Variants in CES5A observed in about 807,000 individuals in gnomAD.
CES5A encodes carboxylesterase 5A, also known as carboxylesterase 5.
Under a neutral mutation model 62.9 loss-of-function variants are expected in CES5A, and 67 were observed. The observed-to-expected ratio is 1.07, with a 90% confidence interval of 0.88 to 1.31. The LOEUF (loss-of-function observed/expected upper bound fraction) is 1.31. Ranked by LOEUF, CES5A falls within the 50% of genes most tolerant of loss-of-function variation. CES5A has a pLI of 0.00. For missense variants in CES5A, 748 were observed against 708.5 expected, an observed-to-expected ratio of 1.06 and a Z score of -0.63; for synonymous variants, 296 against 280.8, an observed-to-expected ratio of 1.05 and a Z score of -0.54.
intron 1 of CES5A, among the ~76,000 whole-genome samples, chr16:55,897,834 G>A (rs1425722684): frequency 6.6e-6 from 1 of 152,176 alleles, no homozygotes; most frequent in Non-Finnish European, 1.5e-5. Context: ...ATAAAGAAAT[G>A]TAGTAGTAGG....
At chr16:55,894,957 G>A (rs1419326143) in intron 1 of CES5A, among the ~76,000 whole-genome samples, 1 of 152,202 alleles carries the variant, frequency 6.6e-6, no homozygotes, top group African/African-American at 2.4e-5. Flanking sequence ...TACTTTAAGG[G>A]ATAAGAGCTT....
Position 55,857,517 on chromosome 16 carries a change from C to A in CES5A, c.1057-1072G>T, listed in dbSNP as rs559818672. Among the ~76,000 whole-genome samples, 413 of 151,508 alleles carry A rather than the reference C, an allele frequency of 2.7e-3. 2 individuals carry two copies. Among genetic ancestry groups the A allele is most frequent in the African/African-American group, 9.1e-3 (376 of 41,142 alleles). ...TGAATACTAGGGCAGTACCTGCCTC[C>A]TGGAATCTCAGGGAATCCTCAGAGT... On this transcript the variant is annotated intron_variant, in intron 8 of 12. Transcript: ENST00000290567.
chr16:55,866,091 TC>T lies in CES5A; in HGVS notation c.576del (p.Asn193ThrfsTer28). 1 of 1,613,706 alleles carries T rather than the reference TC, an allele frequency of 6.2e-7. No individual in the cohort carries two copies. The highest frequency in any genetic ancestry group is 1.1e-5 in the South Asian group (1 of 91,030). ...GCCACCTGGTCCTTGAAGGCCCAGTTCCCCGGAGCATGCTGATCCCATGTGC... is the reference window on the plus strand; with the variant it reads ...GCCACCTGGTCCTTGAAGGCCCAGTTCCCGGAGCATGCTGATCCCATGTGC... Reference protein sequence around the residue: ...FFTTWDQHAPGNWAFKDQVAA... With the variant: ...FFTTWDQHAPXNWAFKDQVAA... On this transcript the variant is annotated frameshift_variant, in exon 5 of 13. Coordinates refer to ENST00000290567, the MANE Select transcript of CES5A (RefSeq NM_001143685.2). LOFTEE classifies it high-confidence loss of function.
At chr16:55,854,295 A>G (rs1484779518) in intron 9 of CES5A, among the ~76,000 whole-genome samples, 5 of 152,062 alleles carry the variant, frequency 3.3e-5, no homozygotes, top group African/African-American at 4.8e-5. Context: ...TTTCCCGCAC[A>G]GCCTACTTCC....
At chr16:55,900,581 C>A (rs968989116) in intron 1 of CES5A, among the ~76,000 whole-genome samples, 1 of 152,162 alleles carries the variant, frequency 6.6e-6, no homozygotes, top group African/African-American at 2.4e-5. Context: ...AATTGCAATG[C>A]CACAGCCACT....
intron 1 of CES5A, among the ~76,000 whole-genome samples, chr16:55,914,070 A>G (rs1424513533): frequency 1.3e-5 from 2 of 152,224 alleles, no homozygotes; most frequent in African/African-American, 4.8e-5. Context: ...AGGTCCAGTT[A>G]AATGTGAATT....
intron 1 of CES5A, among the ~76,000 whole-genome samples, chr16:55,898,911 C>G (rs1292163545): frequency 6.6e-6 from 1 of 152,072 alleles, no homozygotes; most frequent in South Asian, 2.1e-4. Flanking sequence ...CTCTCTCAAC[C>G]ACCTCATAAT....
At chr16:55,951,964 A>G (rs1481425751) in intron 1 of CES5A, among the ~76,000 whole-genome samples, 1 of 152,122 alleles carries the variant, frequency 6.6e-6, no homozygotes, top group East Asian at 1.9e-4. Flanking sequence ...GATCTAATAG[A>G]CATAGATGTT....
intron 1 of CES5A, among the ~76,000 whole-genome samples, chr16:55,894,161 A>C (rs2142435530): frequency 6.6e-6 from 1 of 152,288 alleles, no homozygotes; most frequent in Admixed American, 6.5e-5. Flanking sequence ...AAAAATAATA[A>C]AATATGCAGA....
chr16:55,938,752 AAAAAAAAAAAAAAATAT>A (rs1212172291), intron 2 of CES5A, among the ~76,000 whole-genome samples: 2 of 75,606 alleles, frequency 2.6e-5, no homozygotes, highest in African/African-American at 1.2e-4. Flanking sequence ...AAAAAAAAAA[AAAAAAAAAAAAAAATAT>A]ATATATATAT....
At chr16:55,890,844 A>G (rs1833183) in intron 1 of CES5A, among the ~76,000 whole-genome samples, 109,625 of 152,064 alleles carry the variant, frequency 0.72, 39,536 homozygotes, top group Non-Finnish European at 0.73. Context: ...GGACACCTGT[A>G]ACACAGCCTC....
At chr16:55,924,457 G>T (rs1567356513) in intron 1 of CES5A, among the ~76,000 whole-genome samples, 1 of 151,786 alleles carries the variant, frequency 6.6e-6, no homozygotes, top group Non-Finnish European at 1.5e-5. Context: ...CCATGCTCAT[G>T]GATTTAAAAA....
At chr16:55,948,843 G>A (rs1021906691) in intron 2 of CES5A, among the ~76,000 whole-genome samples, 4 of 152,156 alleles carry the variant, frequency 2.6e-5, no homozygotes, top group Non-Finnish European at 5.9e-5. Flanking sequence ...GATTAATGTG[G>A]TGTTAGAGTT....
At chr16:55,910,200 G>A (rs1480854117) in intron 1 of CES5A, among the ~76,000 whole-genome samples, 3 of 152,166 alleles carry the variant, frequency 2.0e-5, no homozygotes, top group Admixed American at 6.5e-5. Context: ...GAGGAATCCT[G>A]CAGCCCACTC....
intron 4 of CES5A, among the ~76,000 whole-genome samples, chr16:55,867,558 C>T (rs1198013618): frequency 1.3e-5 from 2 of 152,188 alleles, no homozygotes; most frequent in Non-Finnish European, 2.9e-5. Context: ...ACTCCACCTT[C>T]TCTCTCCCAG....
chr16:55,927,330 C>T (rs1473212887), upstream of CES5A, among the ~76,000 whole-genome samples: 6 of 152,038 alleles, frequency 3.9e-5, no homozygotes, highest in Non-Finnish European at 8.8e-5. Context: ...AATAGACAAC[C>T]TACAGAATTG....
At chr16:55,878,773 G>T (rs1311099393), upstream of CES5A, among the ~76,000 whole-genome samples, 23 of 136,964 alleles carry the variant, frequency 1.7e-4, no homozygotes, top group African/African-American at 5.9e-4. Flanking sequence ...CCCCATCACT[G>T]CACCTCCACC....
At chr16:55,946,965 T>A (rs1016711652) in intron 2 of CES5A, among the ~76,000 whole-genome samples, 3 of 152,214 alleles carry the variant, frequency 2.0e-5, no homozygotes, top group African/African-American at 7.2e-5. Context: ...TCTGCTCACA[T>A]CCCATTGACC....
At chr16:55,873,789 C>A in intron 2 of CES5A, 44 bp downstream of exon 2, 1 of 1,548,234 alleles carries the variant, frequency 6.5e-7, no homozygotes, top group Non-Finnish European at 8.8e-7. Flanking sequence ...ATTCCTGCCA[C>A]TCCCAGAGTC....
Sources: gnomAD v4.1 joint callset for allele counts (sites outside exome capture counted in the v4.1 genomes callset) on GRCh38, gnomAD v4.1.1 for gene constraint, MANE v1.5 for transcripts, NCBI Gene and HGNC (gene_info 2026-07-23, HGNC 2026-07-21) for gene names.